Variants in SMARCB1 observed in about 807,000 individuals in gnomAD.
The protein encoded by SMARCB1 is SWI/SNF-related matrix-associated actin-dependent regulator of chromatin subfamily B member 1.
A neutral mutation model predicts 49.0 loss-of-function variants in SMARCB1; 5 were observed. That is an observed-to-expected ratio of 0.10 (90% CI 0.05 to 0.21). The LOEUF is 0.21. Among genes scored for constraint, SMARCB1 ranks in the 10% least tolerant of loss-of-function variants. The probability of loss-of-function intolerance (pLI) is 1.00; values close to 1 mark genes in which losing one functional copy is unlikely to be tolerated. For missense variants in SMARCB1, 226 were observed against 509.2 expected (o/e 0.44, Z 5.35); for synonymous variants, 201 against 200.1 (o/e 1.00, Z -0.04).
At chr22:23,806,543 T>C (rs1384772607) in intron 5 of SMARCB1, among the ~76,000 whole-genome samples, 1 of 152,168 alleles carries the variant, frequency 6.6e-6, no homozygotes, top group Non-Finnish European at 1.5e-5. Flanking sequence ...AAGGTGGGCA[T>C]GAGAGTCTTT....
intron 5 of SMARCB1, among the ~76,000 whole-genome samples, chr22:23,806,884 C>T (rs1006896337): frequency 7.1e-6 from 1 of 141,812 alleles, no homozygotes; most frequent in Non-Finnish European, 1.5e-5. Context: ...TGTGGCATTG[C>T]ACTTCAACCT....
At chr22:23,827,108 G>A (rs2030423424) in intron 7 of SMARCB1, among the ~76,000 whole-genome samples, 1 of 152,334 alleles carries the variant, frequency 6.6e-6, no homozygotes, top group Middle Eastern at 3.4e-3. Flanking sequence ...AGGCAGTCAT[G>A]TTGCGCGCAT....
intron 5 of SMARCB1, chr22:23,803,982 G>A (rs1322645370): frequency 5.9e-6 from 1 of 169,348 alleles, no homozygotes; most frequent in Non-Finnish European, 1.3e-5. Context: ...TGTCTAGACT[G>A]CTTATCCCAT....
At chr22:23,819,085 C>T (rs2029935972) in intron 6 of SMARCB1, among the ~76,000 whole-genome samples, 1 of 152,138 alleles carries the variant, frequency 6.6e-6, no homozygotes, top group African/African-American at 2.4e-5. Flanking sequence ...CTCCTGGGCT[C>T]AAGCCATCTG....
chr22:23,824,175 G>A (rs2030248830), intron 6 of SMARCB1: 1 of 152,322 alleles, frequency 6.6e-6, no homozygotes, highest in Non-Finnish European at 1.5e-5. Flanking sequence ...GAGGCACAGG[G>A]CTTTATGAAC....
chr22:23,810,628 TAAATA>T (rs1325008770), intron 5 of SMARCB1, among the ~76,000 whole-genome samples: 1 of 150,368 alleles, frequency 6.7e-6, no homozygotes, highest in Non-Finnish European at 1.5e-5. Context: ...AAAATGTAGA[TAAATA>T]AAATAGACTT....
rs1363655817 is a variant in SMARCB1 at position 23,834,280 on chromosome 22, C to G, written c.*100C>G. 11 of 1,333,842 alleles carry G rather than the reference C, an allele frequency of 8.2e-6. No individual in the cohort carries two copies. In the Admixed American group the frequency reaches 2.2e-4, roughly 26 times the overall value. The allele number at this position is 1,333,842 out of a possible 1,614,324, so 82.6% of individuals were successfully genotyped here. Reference sequence around the variant, plus strand: ...ACAGAGGCGAGGGGACAGCCCAGCGCCATCCTGAGGATCGGGTGGGGGTGG... The same window carrying G: ...ACAGAGGCGAGGGGACAGCCCAGCGGCATCCTGAGGATCGGGTGGGGGTGG... On this transcript the variant is annotated 3_prime_UTR_variant, in exon 9 of 9. Transcript: ENST00000644036.
At chr22:23,810,023 T>C (rs868032797) in intron 5 of SMARCB1, among the ~76,000 whole-genome samples, 31 of 148,604 alleles carry the variant, frequency 2.1e-4, no homozygotes, top group Non-Finnish European at 1.6e-4. Flanking sequence ...ACAAAAACAA[T>C]TAGCCGGGCG....
chr22:23,790,328 C>G (rs1348306530), intron 1 of SMARCB1, among the ~76,000 whole-genome samples: 9 of 152,186 alleles, frequency 5.9e-5, no homozygotes, highest in Non-Finnish European at 1.5e-5. Flanking sequence ...AAGCGAGTGA[C>G]TTGCTGTGTC....
At position 23,808,877 on chromosome 22, in the gene SMARCB1, T is replaced by G. The variant is rs188942083; in HGVS notation, c.628+5455T>G. Among the ~76,000 whole-genome samples, 889 of 151,870 alleles carry G rather than the reference T, an allele frequency of 5.9e-3. 12 individuals carry two copies. Among genetic ancestry groups the G allele is most frequent in the African/African-American group, 0.02 (833 of 41,304 alleles). On this transcript the variant is annotated intron_variant, in intron 5 of 8. Transcript: ENST00000644036. ...CCATACCCGGTTAATTTTTGTATTT[T>G]TAGTAGAGAGGGGTTTCTCCATGTT...
At chr22:23,833,007 C>T (rs1157828637) in intron 7 of SMARCB1, among the ~76,000 whole-genome samples, 3 of 152,040 alleles carry the variant, frequency 2.0e-5, no homozygotes, top group South Asian at 2.1e-4. Context: ...ACCAGCCTCT[C>T]GGGGGTTTTG....
chr22:23,808,592 A>G (rs1278423987), intron 5 of SMARCB1, among the ~76,000 whole-genome samples: 1 of 152,080 alleles, frequency 6.6e-6, no homozygotes, highest in Non-Finnish European at 1.5e-5. Flanking sequence ...ACTGGACGCT[A>G]GAGCAAGTGG....
rs2030959336 is a variant in SMARCB1 at position 23,835,332 on chromosome 22, G to A, written c.*1152G>A. On this transcript the variant is annotated 3_prime_UTR_variant, in exon 9 of 9. Transcript: ENST00000644036. ...TACTGAAGAGAATGGGCACAGATCCGGGCACAGATCCCAGCACAGACTGCT... is the reference window on the plus strand; with the variant it reads ...TACTGAAGAGAATGGGCACAGATCCAGGCACAGATCCCAGCACAGACTGCT... 14 of 1,004,952 alleles carry A rather than the reference G, an allele frequency of 1.4e-5. No individual in the cohort carries two copies. Among genetic ancestry groups the A allele is most frequent in the Admixed American group, 1.2e-4 (2 of 16,830 alleles). The allele number at this position is 1,004,952 out of a possible 1,614,324, so 62.3% of individuals were successfully genotyped here. A position where few individuals can be genotyped will look rare whatever the true frequency, so the allele number is the denominator to read the frequency against.
At chr22:23,823,680 G>A (rs9608198) in intron 6 of SMARCB1, 18,816 of 152,030 alleles carry the variant, frequency 0.12, 1,246 homozygotes, top group South Asian at 0.27. Flanking sequence ...ACGTATAGTC[G>A]CAGCTACTCA....
At chr22:23,823,447 G>A (rs2030210518) in intron 6 of SMARCB1, 1 of 152,306 alleles carries the variant, frequency 6.6e-6, no homozygotes, top group Admixed American at 6.5e-5. Flanking sequence ...AGATAGCAAA[G>A]GACATGGGGG....
chr22:23,833,118 C>G (rs2030747708), intron 7 of SMARCB1, among the ~76,000 whole-genome samples: 2 of 152,282 alleles, frequency 1.3e-5, no homozygotes, highest in East Asian at 3.9e-4. Flanking sequence ...CTGGGAGACT[C>G]CTTTGCTCCC....
At chr22:23,803,695 GGAT>G in intron 5 of SMARCB1, 1 of 531,620 alleles carries the variant, frequency 1.9e-6, no homozygotes, top group South Asian at 2.0e-5. Context: ...TGCATAGCAT[GGAT>G]GATGATGACA....
Position 23,837,436 on chromosome 22 carries a change from G to T in SMARCB1, c.*3256G>T. 1.5e-6 allele frequency: 1 copy of T among 647,044 alleles called. No homozygotes were observed. 40.1% of individuals were successfully genotyped at this position (647,044 alleles called of 1,614,324 possible). On this transcript the variant is annotated 3_prime_UTR_variant, in exon 9 of 9. Coordinates refer to ENST00000644036, the MANE Select transcript of SMARCB1 (RefSeq NM_003073.5). The stretch of plus-strand genomic sequence containing the variant: ...ACCCTCCCATCCTCACTCCCATCAG[G>T]ACCGTGCAAGCATCAGTAGATCCGT...
intron 5 of SMARCB1, among the ~76,000 whole-genome samples, chr22:23,810,934 G>A (rs1296368018): frequency 6.6e-6 from 1 of 151,910 alleles, no homozygotes; most frequent in Non-Finnish European, 1.5e-5. Context: ...GGAACGGGAA[G>A]CTGTGGCAGG....
Sources: gnomAD v4.1 joint callset for allele counts (sites outside exome capture counted in the v4.1 genomes callset) on GRCh38, gnomAD v4.1.1 for gene constraint, MANE v1.5 for transcripts, NCBI Gene and HGNC (gene_info 2026-07-23, HGNC 2026-07-21) for gene names.